Variants in PRKN observed in about 807,000 individuals in gnomAD.
PRKN encodes the protein E3 ubiquitin-protein ligase parkin.
A neutral mutation model predicts 59.5 loss-of-function variants in PRKN; 56 were observed. The observed-to-expected ratio is 0.94, with a 90% CI of 0.76 to 1.18. PRKN has a LOEUF of 1.18. Ranked by LOEUF, PRKN falls within the 50% of genes most tolerant of loss-of-function variation. PRKN has a pLI of 0.00. For missense variants in PRKN, 657 were observed against 596.4 expected (o/e 1.10, Z -1.06); for synonymous variants, 250 against 222.1 (o/e 1.13, Z -1.12).
At chr6:161,783,730 T>A in intron 7 of PRKN, 1 of 483,692 alleles carries the variant, frequency 2.1e-6, no homozygotes, top group African/African-American at 2.0e-5. Context: ...AGTTTTCCAA[T>A]CTGTAAATAA....
intron 11 of PRKN, 116 bp from the exon 12 acceptor site, chr6:161,350,327 A>C: frequency 1.4e-6 from 1 of 724,854 alleles, no homozygotes; most frequent in Non-Finnish European, 2.5e-6. Flanking sequence ...AATCACAAGC[A>C]ATACAAGGGC....
At chr6:162,068,826 G>A (rs1256010779) in intron 4 of PRKN, among the ~76,000 whole-genome samples, 12 of 149,932 alleles carry the variant, frequency 8.0e-5, no homozygotes, top group Non-Finnish European at 4.4e-5. Context: ...GAGGTGGTGG[G>A]AGGTCACTGG....
chr6:161,442,642 C>T lies in PRKN; in HGVS notation c.1084-55765G>A, dbSNP rs1181520585. ...GTGGCCTTCGCTGTCTTGGACTGGA[C>T]GGGCTGGACTCCCAGCTGAAGGTGG... On this transcript the variant is annotated intron_variant, in intron 9 of 11. Coordinates refer to ENST00000366898, the MANE Select transcript of PRKN (RefSeq NM_004562.3). This position sits in a 1 kb window ranked among gnomAD's most constrained non-coding sequence, Gnocchi z 4.6. 6.6e-6 allele frequency among the ~76,000 whole-genome samples: 1 copy of T among 152,184 alleles called. No individual in the cohort carries two copies. Among genetic ancestry groups the T allele is most frequent in the Admixed American group, 6.5e-5 (1 of 15,274 alleles).
chr6:161,911,242 T>C (rs1054659552), intron 6 of PRKN, among the ~76,000 whole-genome samples: 14 of 152,202 alleles, frequency 9.2e-5, no homozygotes, highest in African/African-American at 3.1e-4. Context: ...AAGTGGTCAC[T>C]CTGGTCACTC....
chr6:161,813,333 G>A (rs1468765897), intron 6 of PRKN, among the ~76,000 whole-genome samples: 6 of 152,152 alleles, frequency 3.9e-5, no homozygotes, highest in East Asian at 1.9e-4. Context: ...CACCACAGGA[G>A]GGGATGTCCC....
intron 4 of PRKN, among the ~76,000 whole-genome samples, chr6:162,200,798 G>T (rs138290157): frequency 2.4e-4 from 36 of 152,264 alleles, no homozygotes; most frequent in South Asian, 1.2e-3. Flanking sequence ...ATTTTTAGCA[G>T]CCTAAGGTTC....
chr6:161,577,187 T>C (rs1281850147), intron 7 of PRKN, among the ~76,000 whole-genome samples: 2 of 152,228 alleles, frequency 1.3e-5, no homozygotes, highest in Non-Finnish European at 2.9e-5. Context: ...ATGCATGTAA[T>C]TCATTTACTA....
chr6:162,654,130 G>A (rs562089626), intron 1 of PRKN, among the ~76,000 whole-genome samples: 5 of 152,270 alleles, frequency 3.3e-5, no homozygotes, highest in African/African-American at 4.8e-5. Context: ...CAGAAGTGTC[G>A]AAAGTTAAGA....
chr6:161,777,724 T>C (rs1043436614), intron 7 of PRKN, among the ~76,000 whole-genome samples: 1 of 142,408 alleles, frequency 7.0e-6, no homozygotes, highest in African/African-American at 2.6e-5. Flanking sequence ...TTTATATACA[T>C]ATATATCTAT....
chr6:162,001,005 C>G (rs1389043978), intron 5 of PRKN, among the ~76,000 whole-genome samples: 1 of 151,926 alleles, frequency 6.6e-6, no homozygotes, highest in African/African-American at 2.4e-5. Context: ...ATCGATTTGT[C>G]TATTCTTTTA....
intron 7 of PRKN, among the ~76,000 whole-genome samples, chr6:161,660,298 C>T (rs1006465708): frequency 2.0e-5 from 3 of 152,080 alleles, no homozygotes; most frequent in African/African-American, 7.2e-5. Context: ...CTGCAGGACT[C>T]AGATGAGCCA....
intron 6 of PRKN, among the ~76,000 whole-genome samples, chr6:161,874,185 A>T (rs376327881): frequency 2.5e-5 from 1 of 40,272 alleles, no homozygotes; most frequent in African/African-American, 1.0e-4. Context: ...TATATTATAT[A>T]TAATATATAA....
intron 6 of PRKN, among the ~76,000 whole-genome samples, chr6:161,963,587 T>C (rs901294542): frequency 2.0e-5 from 3 of 152,236 alleles, no homozygotes; most frequent in Non-Finnish European, 4.4e-5. Flanking sequence ...GACTTCAAAA[T>C]TGGACATTTC....
rs78719731 is a variant in PRKN at position 162,438,052 on chromosome 6, G to A, written c.171+5258C>T. 8.7e-3 allele frequency among the ~76,000 whole-genome samples: 1,319 copies of A among 152,224 alleles called. 20 individuals are homozygous for A. Among genetic ancestry groups the A allele is most frequent in the African/African-American group, 0.03 (1,236 of 41,518 alleles). On this transcript the variant is annotated intron_variant, in intron 2 of 11. Transcript: ENST00000366898. Reference sequence around the variant, plus strand: ...TTTTATATTCCCAGTAGCAATTTGCGAGTAATCCAATTTCTCCACATCCTC... The same window carrying A: ...TTTTATATTCCCAGTAGCAATTTGCAAGTAATCCAATTTCTCCACATCCTC...
At position 162,096,905 on chromosome 6, in the gene PRKN, C is replaced by T. The variant is rs1002301683; in HGVS notation, c.535-42731G>A. On this transcript the variant is annotated intron_variant, in intron 4 of 11. Transcript: ENST00000366898. ...GAGATGGAGTCTCGTTTTGCTCTGT[C>T]ACCCAGGCTGGAGTGCACTGGCAGG... 5.3e-4 allele frequency among the ~76,000 whole-genome samples: 61 copies of T among 114,768 alleles called. 1 individual carries two copies. Among genetic ancestry groups the T allele is most frequent in the African/African-American group, 2.0e-3 (61 of 29,832 alleles). The allele number at this position is 114,768 out of a possible 152,430, so 75.3% of individuals were successfully genotyped here. A position where few individuals can be genotyped will look rare whatever the true frequency, so the allele number is the denominator to read the frequency against.
At chr6:161,469,048 C>T (rs997904330) in intron 9 of PRKN, among the ~76,000 whole-genome samples, 5 of 152,196 alleles carry the variant, frequency 3.3e-5, no homozygotes, top group African/African-American at 1.2e-4. Flanking sequence ...TCAATACTGC[C>T]ACCTCCCCCA....
At chr6:161,776,141 G>A (rs1313485584) in intron 7 of PRKN, among the ~76,000 whole-genome samples, 1 of 152,170 alleles carries the variant, frequency 6.6e-6, no homozygotes, top group African/African-American at 2.4e-5. Flanking sequence ...AGAAGTAAGT[G>A]CATTTTGCAT....
chr6:162,115,536 AT>A (rs1328690973), intron 4 of PRKN, among the ~76,000 whole-genome samples: 2 of 145,592 alleles, frequency 1.4e-5, no homozygotes, highest in Non-Finnish European at 1.5e-5. Context: ...ATAAATAAAA[AT>A]TTGACATGTT....
Position 162,363,561 on chromosome 6 carries a change from T to C in PRKN, c.171+79749A>G, listed in dbSNP as rs76838520. Among the ~76,000 whole-genome samples, 564 of 152,264 alleles carry C rather than the reference T, an allele frequency of 3.7e-3. 5 individuals are homozygous for C. Among genetic ancestry groups the C allele is most frequent in the African/African-American group, 0.012 (519 of 41,550 alleles). On this transcript the variant is annotated intron_variant, in intron 2 of 11. Transcript: ENST00000366898. ...TGACATTTTTCTTCTTTCATTTCTA[T>C]GCTACTTTTTCCAAATTATTTCTTG...
Sources: allele counts gnomAD v4.1 joint callset (sites outside exome capture counted in the v4.1 genomes callset), GRCh38; gene constraint gnomAD v4.1.1; non-coding constraint Gnocchi (gnomAD v3.1); transcripts MANE v1.5; gene names NCBI Gene and HGNC (gene_info 2026-07-23, HGNC 2026-07-21).